CHODL: variants seen among roughly 807,000 people sequenced by gnomAD.
CHODL encodes chondrolectin.
In CHODL, 29 loss-of-function variants were observed where a neutral mutation model predicts 34.5. The ratio of observed to expected loss-of-function variants is 0.84; its 90% CI spans 0.63 to 1.15. The LOEUF is 1.15. Ranked by LOEUF, CHODL falls within the 50% of genes most tolerant of loss-of-function variation. The pLI is 0.00. For synonymous variants in CHODL, 125 were observed against 116.1 expected, an observed-to-expected ratio of 1.08 and a Z score of -0.49; for missense variants, 332 against 332.5, an observed-to-expected ratio of 1.00 and a Z score of 0.01.
chr21:18,193,577 T>TC (rs1427798775), intron 2 of CHODL, among the ~76,000 whole-genome samples: 1 of 151,530 alleles, frequency 6.6e-6, no homozygotes, highest in Non-Finnish European at 1.5e-5. Context: ...ATGCCTGTAA[T>TC]CCCAGCTACT....
chr21:18,248,009 C>CTTTT (rs3077959), intron 1 of CHODL, among the ~76,000 whole-genome samples: 1,914 of 144,246 alleles, frequency 0.013, 42 homozygotes, highest in African/African-American at 0.045. Context: ...TAATGTGTTT[C>CTTTT]TTTTTTTTTT....
intron 2 of CHODL, among the ~76,000 whole-genome samples, chr21:18,174,153 A>C (rs2073273472): frequency 8.6e-6 from 1 of 116,220 alleles, no homozygotes; most frequent in Non-Finnish European, 1.9e-5. Context: ...ATATATATAT[A>C]TATATATAAA....
At chr21:18,027,714 A>G (rs957597948) in intron 1 of CHODL, among the ~76,000 whole-genome samples, 1 of 152,116 alleles carries the variant, frequency 6.6e-6, no homozygotes, top group Admixed American at 6.5e-5. Context: ...TCTCAAATTC[A>G]TATGTTGAAA....
chr21:18,146,220 G>A (rs982774285), intron 2 of CHODL, among the ~76,000 whole-genome samples: 41 of 149,964 alleles, frequency 2.7e-4, no homozygotes, highest in Non-Finnish European at 7.4e-5. Context: ...ATCGTTATCC[G>A]CCCACCTCGG....
intron 1 of CHODL, among the ~76,000 whole-genome samples, chr21:17,933,034 A>C (rs1421951970): frequency 6.6e-6 from 1 of 152,178 alleles, no homozygotes; most frequent in Non-Finnish European, 1.5e-5. Flanking sequence ...TGTGCTTTAG[A>C]TATGCATACA....
chr21:18,226,817 A>T (rs2073935424), intron 2 of CHODL, among the ~76,000 whole-genome samples: 1 of 151,604 alleles, frequency 6.6e-6, no homozygotes, highest in South Asian at 2.1e-4. Context: ...TTTTCTCCAG[A>T]AGAGAGAGAG....
intron 2 of CHODL, among the ~76,000 whole-genome samples, chr21:18,083,805 A>G (rs1001527463): frequency 6.6e-6 from 1 of 152,226 alleles, no homozygotes; most frequent in Non-Finnish European, 1.5e-5. Flanking sequence ...GTATCATGGA[A>G]TTAACTAACT....
chr21:18,230,504 C>A (rs2073969017), intron 2 of CHODL, among the ~76,000 whole-genome samples: 1 of 151,922 alleles, frequency 6.6e-6, no homozygotes, highest in Non-Finnish European at 1.5e-5. Flanking sequence ...AGAATGTCAG[C>A]TATTGAGAGT....
Position 18,147,948 on chromosome 21 carries a change from G to T in CHODL, c.-44-108561G>T, listed in dbSNP as rs118000165. 3.4e-4 allele frequency among the ~76,000 whole-genome samples: 52 copies of T among 152,306 alleles called. 2 individuals carry two copies. In the East Asian group the frequency reaches 0.01, roughly 29 times the overall value. ...CCAGTTGCCAGTGATTGGTTTAGGGGTAATTGTACATCTTATTTCAGGCTG... is the reference window on the plus strand; with the variant it reads ...CCAGTTGCCAGTGATTGGTTTAGGGTTAATTGTACATCTTATTTCAGGCTG... On this transcript the variant is annotated intron_variant, in intron 2 of 6. Coordinates refer to the CHODL transcript ENST00000400127.
At chr21:18,107,242 A>C (rs2065284670) in intron 2 of CHODL, among the ~76,000 whole-genome samples, 1 of 152,248 alleles carries the variant, frequency 6.6e-6, no homozygotes, top group Non-Finnish European at 1.5e-5. Flanking sequence ...GGTTGCTCTT[A>C]TAGCAGCTGT....
chr21:18,118,799 G>A lies in CHODL; in HGVS notation c.-45+90828G>A, dbSNP rs562182283. Among the ~76,000 whole-genome samples the A allele has an allele frequency of 4.6e-5, 7 of 152,238 alleles. No individual in the cohort carries two copies. In the South Asian group the frequency reaches 1.2e-3, roughly 27 times the overall value. On this transcript the variant is annotated intron_variant, in intron 2 of 6. Transcript: ENST00000400127. ...TTCATAGCTCTTCTGTCTTGAAAGG[G>A]CAGTTACCATACTTTAAATACAAAA...
chr21:18,247,278 G>C (rs1180908670), intron 1 of CHODL, among the ~76,000 whole-genome samples: 1 of 152,090 alleles, frequency 6.6e-6, no homozygotes, highest in South Asian at 2.1e-4. Context: ...TTATTGAAGA[G>C]TAAGAGCCTC....
intron 2 of CHODL, among the ~76,000 whole-genome samples, chr21:18,133,351 A>G (rs2072680897): frequency 6.6e-6 from 1 of 152,140 alleles, no homozygotes; most frequent in Non-Finnish European, 1.5e-5. Flanking sequence ...TTCATTTAGG[A>G]TGCTTTTGCT....
chr21:18,109,522 G>C (rs188438976), intron 2 of CHODL, among the ~76,000 whole-genome samples: 3 of 152,238 alleles, frequency 2.0e-5, no homozygotes, highest in African/African-American at 7.2e-5. Flanking sequence ...GGTGTCCAAG[G>C]TTGGCATTAT....
chr21:18,237,198 A>G (rs1234230578), intron 2 of CHODL, among the ~76,000 whole-genome samples: 1 of 152,154 alleles, frequency 6.6e-6, no homozygotes, highest in Non-Finnish European at 1.5e-5. Context: ...TGTGGTTACC[A>G]TATTCTTGGA....
chr21:18,197,781 G>A (rs923391884), intron 2 of CHODL, among the ~76,000 whole-genome samples: 2 of 152,130 alleles, frequency 1.3e-5, no homozygotes, highest in African/African-American at 4.8e-5. Flanking sequence ...GAAAGCCCAG[G>A]AAATGATATA....
intron 1 of CHODL, among the ~76,000 whole-genome samples, chr21:17,922,628 G>C (rs1331508789): frequency 6.6e-6 from 1 of 152,164 alleles, no homozygotes; most frequent in African/African-American, 2.4e-5. Context: ...TGCTATTTAT[G>C]TGGAAATTAA....
chr21:18,020,084 A>G (rs2064113770), intron 1 of CHODL, among the ~76,000 whole-genome samples: 1 of 152,180 alleles, frequency 6.6e-6, no homozygotes, highest in African/African-American at 2.4e-5. Context: ...ATGATAGTGA[A>G]TAATTACAAA....
chr21:18,232,985 CCTAT>C (rs976681387), intron 2 of CHODL, among the ~76,000 whole-genome samples: 6 of 102,088 alleles, frequency 5.9e-5, no homozygotes, highest in South Asian at 2.8e-4. Context: ...ATATATATGA[CCTAT>C]CTATCCATCT....
Sources: gnomAD v4.1 joint callset for allele counts (sites outside exome capture counted in the v4.1 genomes callset) on GRCh38, gnomAD v4.1.1 for gene constraint, MANE v1.5 for transcripts, NCBI Gene and HGNC (gene_info 2026-07-23, HGNC 2026-07-21) for gene names.